Variants in SPEG observed in about 807,000 individuals in gnomAD.
SPEG encodes striated muscle enriched protein kinase, also known as striated muscle preferentially expressed protein kinase.
A neutral mutation model predicts 300.4 loss-of-function variants in SPEG; 114 were observed. The ratio of observed to expected loss-of-function variants is 0.38; its 90% CI spans 0.33 to 0.44. The LOEUF is 0.44. Among genes scored for constraint, SPEG ranks in the 20% least tolerant of loss-of-function variants. SPEG has a pLI of 1.00. For missense variants in SPEG, 4,201 were observed against 4,586.2 expected (o/e 0.92, Z 2.43); for synonymous variants, 1,964 against 2,018.9 (o/e 0.97, Z 0.73).
rs190244586 is a variant in SPEG at position 219,461,200 on chromosome 2, C to T, written c.2441-682C>T. 8.2e-5 allele frequency: 81 copies of T among 987,050 alleles called. No homozygotes were observed. In the African/African-American group the frequency reaches 1.3e-3, roughly 15 times the overall value. The allele number at this position is 987,050 out of a possible 1,614,324, so 61.1% of individuals were successfully genotyped here. A position where few individuals can be genotyped will look rare whatever the true frequency, so the allele number is the denominator to read the frequency against. On this transcript the variant is annotated intron_variant, in intron 6 of 40. Transcript: ENST00000312358. ...AGGCTGACTCTGGTGCCCCCCTCCT[C>T]TTCCCCCAGGCTGAGCTGCCCTTTT...
Position 219,444,718 on chromosome 2 carries a change from G to A in SPEG, c.454G>A (p.Asp152Asn). ...QGTQRLELRD[D>N]GAFSTPTGGS... ...AACCCAGCGCCTGGAGCTTCGGGAT[G>A]ACGGGGCCTTCAGCACCCCCACGGG... Residue 152 changes from aspartate to asparagine, a missense_variant, in exon 2 of 41, where the codon GAC becomes AAC. Asp to Asn is a conservative substitution (Grantham distance 23). This residue lies in a region of SPEG where 1,258 missense variants were observed against 1,293.9 expected (regional missense o/e 0.97). Transcript: ENST00000312358. This position sits in a 1 kb window ranked among gnomAD's most constrained non-coding sequence, Gnocchi z 7.8. 1.2e-6 allele frequency: 2 copies of A among 1,614,056 alleles called. No homozygotes were observed. Among genetic ancestry groups the A allele is most frequent in the East Asian group, 2.2e-5 (1 of 44,870 alleles).
intron 1 of SPEG, among the ~76,000 whole-genome samples, chr2:219,442,560 G>C (rs1204638182): frequency 6.6e-6 from 1 of 150,982 alleles, no homozygotes; most frequent in Non-Finnish European, 1.5e-5. Context: ...TGTCCTCCGC[G>C]CACCTGGGCC....
chr2:219,482,894 T>A (rs1251418496), intron 29 of SPEG, 42 bp downstream of exon 29: 1 of 1,593,370 alleles, frequency 6.3e-7, no homozygotes, highest in Admixed American at 1.7e-5. Context: ...CACCTTCTCC[T>A]TTTCTCTAGC....
rs901736524 is a variant in SPEG at position 219,444,463 on chromosome 2, C to T, written c.389-190C>T. Among the ~76,000 whole-genome samples, 1 of 152,032 alleles carries T rather than the reference C, an allele frequency of 6.6e-6. No individual in the cohort carries two copies. Among genetic ancestry groups the T allele is most frequent in the Non-Finnish European group, 1.5e-5 (1 of 67,994 alleles). ...GGGGCCCAGAGATGGAGCCAGGGCA[C>T]TGGCATGGGAGGGGTTATCCTGAGC... On this transcript the variant is annotated intron_variant, in intron 1 of 40. Transcript: ENST00000312358. The surrounding 1 kb of genome is among the most constrained non-coding windows in gnomAD (Gnocchi z 7.8).
In SPEG at chr2:219,462,307, A is replaced by G. The variant is rs1293494712; in HGVS notation, c.2626A>G (p.Met876Val). 6.4e-7 allele frequency: 1 copy of G among 1,564,980 alleles called. No homozygotes were observed. The highest frequency in any genetic ancestry group is 8.7e-7 in the Non-Finnish European group (1 of 1,153,628). Residue 876 changes from methionine to valine, a missense_variant, in exon 8 of 41, where the codon ATG becomes GTG. This residue lies in a region of SPEG where 1,047 missense variants were observed against 1,356.8 expected (regional missense o/e 0.77). Transcript: ENST00000312358. ...KAPPTFKVSL[M>V]DQSVREGQDV... ...GGGGTACCCCCTTCAGGTCTCACTT[A>G]TGGACCAGTCAGTAAGAGAAGGCCA...
At chr2:219,470,336 G>T (rs1691759532) in intron 13 of SPEG, among the ~76,000 whole-genome samples, 1 of 152,158 alleles carries the variant, frequency 6.6e-6, no homozygotes, top group Non-Finnish European at 1.5e-5. Flanking sequence ...TGTCACCCAT[G>T]CTGCATCCTC....
At chr2:219,487,972 A>G (rs904764268) in intron 31 of SPEG, among the ~76,000 whole-genome samples, 6 of 152,364 alleles carry the variant, frequency 3.9e-5, no homozygotes, top group African/African-American at 1.2e-4. Context: ...GTGCAAGGAA[A>G]AAGCAGTTCT....
At position 219,483,593 on chromosome 2, in the gene SPEG, C is replaced by A. The variant is rs1007026680; in HGVS notation, c.6130C>A (p.Arg2044=). ...KAASVELPQR[R]SPSPGATRLA... is the part of the protein sequence containing the mutation. ...GGCGTCTGTGGAGCTGCCGCAGCGC[C>A]GGAGCCCCAGCCCGGGAGCCACCCG... The change falls in exon 30 of 41, where the codon CGG becomes AGG. Residue 2044 remains arginine, a synonymous_variant. Coordinates refer to ENST00000312358, the MANE Select transcript of SPEG (RefSeq NM_005876.5). The A allele has an allele frequency of 6.7e-7, 1 of 1,483,096 alleles. No homozygotes were observed. Among genetic ancestry groups the A allele is most frequent in the East Asian group, 2.8e-5 (1 of 36,312 alleles). 91.9% of individuals were successfully genotyped at this position (1,483,096 alleles called of 1,614,324 possible). A position where few individuals can be genotyped will look rare whatever the true frequency, so the allele number is the denominator to read the frequency against.
intron 1 of SPEG, among the ~76,000 whole-genome samples, chr2:219,436,320 G>A (rs1449393115): frequency 6.6e-6 from 1 of 152,178 alleles, no homozygotes; most frequent in African/African-American, 2.4e-5. Flanking sequence ...GATCCATTTG[G>A]GGGCTTCCTT....
chr2:219,489,087 T>A lies in SPEG; in HGVS notation c.8183T>A (p.Ile2728Asn). The A allele has an allele frequency of 6.2e-7, 1 of 1,613,874 alleles. No individual in the cohort carries two copies. ...ESVWHPVSSG[I>N]PDCYYNVTHL... ...GTGTGGCACCCTGTGAGCTCAGGCA[T>A]CCCCGACTGTTACTACAACGTGACC... The change falls in exon 35 of 41, where the codon ATC (isoleucine) becomes AAC (asparagine). Residue 2728 changes from isoleucine to asparagine, a missense_variant. By Grantham distance (149) the Ile-to-Asn change is moderately radical (BLOSUM62 -3). Around this residue, in one of 4 missense-constraint regions of SPEG, gnomAD observed 1,578 missense variants for 1,506.0 expected, o/e 1.05. Coordinates refer to ENST00000312358, the MANE Select transcript of SPEG (RefSeq NM_005876.5).
At position 219,434,998 on chromosome 2, in the gene SPEG, G is replaced by A. The variant is rs1369954974; in HGVS notation, c.21G>A (p.Thr7=). The A allele has an allele frequency of 2.7e-6, 4 of 1,505,468 alleles. No homozygotes were observed. In the African/African-American group the frequency reaches 5.8e-5, roughly 22 times the overall value. The allele number at this position is 1,505,468 out of a possible 1,614,324, so 93.3% of individuals were successfully genotyped here. A position where few individuals can be genotyped will look rare whatever the true frequency, so the allele number is the denominator to read the frequency against. MQKARG[T]RGEDAGTRAP... ...TGGCCATGCAGAAAGCCCGGGGCAC[G>A]CGAGGCGAGGATGCGGGCACGAGGG... Residue 7 remains threonine, a synonymous_variant, in exon 1 of 41, where the codon ACG becomes ACA. Transcript: ENST00000312358.
At chr2:219,466,774 A>G in intron 9 of SPEG, 1 of 1,009,108 alleles carries the variant, frequency 9.9e-7, no homozygotes, top group African/African-American at 1.7e-5. Context: ...AGTTTGGTGC[A>G]GGAGCAGGGG....
At chr2:219,435,445 A>G in intron 1 of SPEG, 80 bp downstream of exon 1, 2 of 1,406,694 alleles carry the variant, frequency 1.4e-6, no homozygotes, top group Admixed American at 2.5e-5. Flanking sequence ...CACGCGGGTA[A>G]GGTACTGGAT....
chr2:219,469,504 G>T lies in SPEG; in HGVS notation c.3715+125G>T, dbSNP rs1691682905. 5.1e-6 allele frequency: 4 copies of T among 789,196 alleles called. No homozygotes were observed. The South Asian group carries it at 7.0e-5, about 14-fold the overall frequency. 48.9% of individuals were successfully genotyped at this position (789,196 alleles called of 1,614,324 possible). On this transcript the variant is annotated intron_variant, in intron 13 of 40. Coordinates refer to ENST00000312358, the MANE Select transcript of SPEG (RefSeq NM_005876.5). ...TAGCCTGACCAGGGACAGGGTGCCT[G>T]GGGGAAGGGAACCCGGAGGGACTGT...
At position 219,472,028 on chromosome 2, in the gene SPEG, G is replaced by A. The variant is rs777021902; in HGVS notation, c.3835+41G>A. 6 of 1,603,984 alleles carry A rather than the reference G, an allele frequency of 3.7e-6. No homozygotes were observed. In the East Asian group the frequency reaches 8.9e-5, roughly 24 times the overall value. Reference sequence around the variant, plus strand: ...TCGTGGTCAGCTGCACGCACAGCCTGGCCTCTGGCACTACGTGGGGGCTCA... The same window carrying A: ...TCGTGGTCAGCTGCACGCACAGCCTAGCCTCTGGCACTACGTGGGGGCTCA... On this transcript the variant is annotated intron_variant, in intron 14 of 40. Coordinates refer to ENST00000312358, the MANE Select transcript of SPEG (RefSeq NM_005876.5).
chr2:219,443,912 T>C lies in SPEG; in HGVS notation c.389-741T>C. 1 of 792,018 alleles carries C rather than the reference T, an allele frequency of 1.3e-6. No individual in the cohort carries two copies. The highest frequency in any genetic ancestry group is 1.4e-5 in the South Asian group (1 of 70,842). The allele number at this position is 792,018 out of a possible 1,614,324, so 49.1% of individuals were successfully genotyped here. A position where few individuals can be genotyped will look rare whatever the true frequency, so the allele number is the denominator to read the frequency against. On this transcript the variant is annotated intron_variant, in intron 1 of 40. Transcript: ENST00000312358. This position sits in a 1 kb window ranked among gnomAD's most constrained non-coding sequence, Gnocchi z 4.6. ...TCCCCACCCATTGCCACAGGACACC[T>C]CTGGGGACTGGGTGCCTCACGCCCC...
rs184332257 is a variant in SPEG, at chr2:219,491,046, C to T, written c.9385+90C>T. 2.2e-3 allele frequency: 2,069 copies of T among 928,094 alleles called. 5 individuals carry two copies. Among genetic ancestry groups the T allele is most frequent in the Non-Finnish European group, 2.6e-3 (1,584 of 600,684 alleles). 57.5% of individuals were successfully genotyped at this position (928,094 alleles called of 1,614,324 possible). A position where few individuals can be genotyped will look rare whatever the true frequency, so the allele number is the denominator to read the frequency against. The stretch of plus-strand genomic sequence containing the variant: ...TCACCCCACTTCACTTACATATGTG[C>T]CACTTATTGAGTGATTACTGTATTC... On this transcript the variant is annotated intron_variant, in intron 38 of 40. Coordinates refer to ENST00000312358, the MANE Select transcript of SPEG (RefSeq NM_005876.5).
rs1351343127 is a variant in SPEG, at chr2:219,435,339, C to T, written c.362C>T (p.Ala121Val). Residue 121 changes from alanine to valine, a missense_variant, in exon 1 of 41, where the codon GCG (alanine) becomes GTG (valine). By Grantham distance (64) the Ala-to-Val change is moderately conservative (BLOSUM62 0). Transcript: ENST00000312358. The stretch of plus-strand genomic sequence containing the variant: ...GAGCGGGGCCGGGCCTCCTGCGAGG[C>T]GGTGCTCACAGTGCTGGAGGTCGGA... ...QNERGRASCEAVLTVLEVGDS... is the reference protein window; with the variant it reads ...QNERGRASCEVVLTVLEVGDS... 3.2e-6 allele frequency: 5 copies of T among 1,538,576 alleles called. No homozygotes were observed. In the Admixed American group the frequency reaches 5.8e-5, roughly 18 times the overall value.
intron 6 of SPEG, among the ~76,000 whole-genome samples, chr2:219,456,868 C>T (rs2125352843): frequency 1.1e-5 from 1 of 91,306 alleles, no homozygotes; most frequent in Non-Finnish European, 2.5e-5. Context: ...GAGATCATAA[C>T]ATTGCACTCC....
Sources: allele counts gnomAD v4.1 joint callset (sites outside exome capture counted in the v4.1 genomes callset), GRCh38; gene constraint gnomAD v4.1.1; regional missense constraint gnomAD v4.1.1; non-coding constraint Gnocchi (gnomAD v3.1); transcripts MANE v1.5; gene names NCBI Gene and HGNC (gene_info 2026-07-23, HGNC 2026-07-21).